SEC23B: variants seen among roughly 807,000 people sequenced by gnomAD.
SEC23B encodes the protein protein transport protein Sec23B.
Under a neutral mutation model 104.3 loss-of-function variants are expected in SEC23B, and 77 were observed. The ratio of observed to expected loss-of-function variants is 0.74; its 90% CI spans 0.61 to 0.89. The LOEUF (loss-of-function observed/expected upper bound fraction) is 0.89, where lower values mean the gene tolerates loss of function less well. Among genes scored for constraint, SEC23B ranks in the 40% least tolerant of loss-of-function variants. The probability of loss-of-function intolerance (pLI) is 0.00; values close to 1 mark genes in which losing one functional copy is unlikely to be tolerated. For missense variants in SEC23B, 885 were observed against 949.4 expected, an observed-to-expected ratio of 0.93 and a Z score of 0.89; for synonymous variants, 338 against 332.5, an observed-to-expected ratio of 1.02 and a Z score of -0.18.
At chr20:18,520,624 T>C (rs1003408692) in intron 4 of SEC23B, among the ~76,000 whole-genome samples, 8 of 152,078 alleles carry the variant, frequency 5.3e-5, no homozygotes, top group African/African-American at 1.9e-4. Flanking sequence ...TAAAGAATGT[T>C]GTCCAAGTTG....
chr20:18,511,074 A>T lies in SEC23B; in HGVS notation c.221+18A>T, dbSNP rs747045603. Reference sequence around the variant, plus strand: ...CCACTTTGGTATGGATTCTTTTGAAACTGGTAAAAATGATAAATACAATAT... The same window carrying T: ...CCACTTTGGTATGGATTCTTTTGAATCTGGTAAAAATGATAAATACAATAT... On this transcript the variant is annotated intron_variant, in intron 2 of 19. Coordinates refer to ENST00000650089, the MANE Select transcript of SEC23B (RefSeq NM_006363.6). 2 of 1,547,836 alleles carry T rather than the reference A, an allele frequency of 1.3e-6. No homozygotes were observed. The highest frequency in any genetic ancestry group is 8.9e-7 in the Non-Finnish European group (1 of 1,119,488).
rs527655804 is a variant in SEC23B, at chr20:18,524,734, T to G, written c.603+65T>G. 4 of 1,397,788 alleles carry G rather than the reference T, an allele frequency of 2.9e-6. No individual in the cohort carries two copies. The African/African-American group carries it at 4.2e-5, about 15-fold the overall frequency. 86.6% of individuals were successfully genotyped at this position (1,397,788 alleles called of 1,614,324 possible). A position where few individuals can be genotyped will look rare whatever the true frequency, so the allele number is the denominator to read the frequency against. ...TTTTTTAAAAGAGACTGGGGTCTCT[T>G]TAAAAGAGCCTGTAGCCCAGGCTGG... On this transcript the variant is annotated intron_variant, in intron 5 of 19. Transcript: ENST00000650089.
In SEC23B at chr20:18,553,927, T is replaced by C. The variant is rs538626646; in HGVS notation, c.1993-308T>C. On this transcript the variant is annotated intron_variant, in intron 17 of 19. Transcript: ENST00000650089. Reference sequence around the variant, plus strand: ...CTAGACTGAGTGATAACAGTGGAAGTGGAAAAGGAGGGAGTCCACCGCTCC... The same window carrying C: ...CTAGACTGAGTGATAACAGTGGAAGCGGAAAAGGAGGGAGTCCACCGCTCC... 9.7e-4 allele frequency among the ~76,000 whole-genome samples: 75 copies of C among 77,366 alleles called. 1 individual carries two copies. In the East Asian group the frequency reaches 0.019, roughly 20 times the overall value. 50.8% of individuals were successfully genotyped at this position (77,366 alleles called of 152,430 possible). A position where few individuals can be genotyped will look rare whatever the true frequency, so the allele number is the denominator to read the frequency against.
In SEC23B at chr20:18,524,645, G is replaced by T; in HGVS notation, c.579G>T (p.Lys193Asn). The change falls in exon 5 of 20, where the codon AAG becomes AAT. Residue 193 changes from lysine to asparagine, a missense_variant. By Grantham distance (94) the Lys-to-Asn change is moderately conservative. Transcript: ENST00000650089. Reference sequence around the variant, plus strand: ...AAAGTTATGTCTTCCGAGGGACCAAGGATTTAACTGCAAAGCAAATACAGG... The same window carrying T: ...AAAGTTATGTCTTCCGAGGGACCAATGATTTAACTGCAAAGCAAATACAGG... ...ISKSYVFRGT[K>N]DLTAKQIQDM... 6.2e-7 allele frequency: 1 copy of T among 1,613,960 alleles called. No individual in the cohort carries two copies. The highest frequency in any genetic ancestry group is 1.1e-5 in the South Asian group (1 of 91,088).
At chr20:18,543,206 TG>T in intron 14 of SEC23B, 34 bp downstream of exon 14, 6 of 1,613,856 alleles carry the variant, frequency 3.7e-6, no homozygotes, top group African/African-American at 1.3e-5. Flanking sequence ...GGTTCAGTCT[TG>T]GTTTCTGCTT....
intron 19 of SEC23B, among the ~76,000 whole-genome samples, chr20:18,559,295 C>T (rs909666683): frequency 3.3e-5 from 5 of 152,152 alleles, no homozygotes; most frequent in African/African-American, 9.7e-5. Context: ...GACCCTCCTC[C>T]AGGCCTCTGA....
At chr20:18,508,910 G>A (rs1407680496) in intron 1 of SEC23B, among the ~76,000 whole-genome samples, 1 of 151,910 alleles carries the variant, frequency 6.6e-6, no homozygotes, top group Non-Finnish European at 1.5e-5. Flanking sequence ...TAGTAGAGAC[G>A]GGGTTTTGCC....
rs2060145385 is a variant in SEC23B at position 18,527,583 on chromosome 20, G to A, written c.1081G>A (p.Glu361Lys). The A allele has an allele frequency of 1.2e-6, 2 of 1,610,274 alleles. No homozygotes were observed. Among genetic ancestry groups the A allele is most frequent in the South Asian group, 1.1e-5 (1 of 91,004 alleles). ...TGCCCTTGATCAAACTGGACTTTTG[G>A]AGATGAAGTGTTGTGCAAATCTTAC... ...ACALDQTGLL[E>K]MKCCANLTGG... Residue 361 changes from glutamate to lysine, a missense_variant, in exon 9 of 20, where the codon GAG becomes AAG. Physicochemically the swap from Glu to Lys is moderately conservative, Grantham distance 56 (BLOSUM62 1). Coordinates refer to ENST00000650089, the MANE Select transcript of SEC23B (RefSeq NM_006363.6).
intron 9 of SEC23B, among the ~76,000 whole-genome samples, chr20:18,530,376 T>C (rs1426479268): frequency 1.4e-4 from 22 of 152,116 alleles, no homozygotes. Context: ...CTCAGCCTCC[T>C]GAGTAGCTGG....
chr20:18,553,971 G>T (rs573373783), intron 17 of SEC23B, among the ~76,000 whole-genome samples: 1 of 152,190 alleles, frequency 6.6e-6, no homozygotes, highest in Admixed American at 6.5e-5. Flanking sequence ...AGTAATCCAT[G>T]GGCTTTGTTA....
Position 18,532,596 on chromosome 20 carries a change from G to T in SEC23B, c.1234-68G>T, listed in dbSNP as rs958283828. On this transcript the variant is annotated intron_variant, in intron 10 of 19. Coordinates refer to ENST00000650089, the MANE Select transcript of SEC23B (RefSeq NM_006363.6). ...TATATTTTCCCTCTAAGCTTTCATT[G>T]TGGCCATGATGACAGCAGGGTGGAT... The T allele has an allele frequency of 1.8e-6, 2 of 1,082,924 alleles. 1 individual carries two copies. The highest frequency in any genetic ancestry group is 3.1e-5 in the African/African-American group (2 of 64,882). The allele number at this position is 1,082,924 out of a possible 1,614,324, so 67.1% of individuals were successfully genotyped here.
chr20:18,531,844 A>G (rs749681065), intron 10 of SEC23B, among the ~76,000 whole-genome samples: 2 of 151,924 alleles, frequency 1.3e-5, no homozygotes, highest in Non-Finnish European at 2.9e-5. Context: ...GAGCTTTGGA[A>G]TTACAGACCA....
At chr20:18,536,604 A>G (rs963393533) in intron 12 of SEC23B, among the ~76,000 whole-genome samples, 3 of 151,916 alleles carry the variant, frequency 2.0e-5, no homozygotes, top group Non-Finnish European at 4.4e-5. Context: ...AGGCAGGAGA[A>G]TGGCGTGAAC....
intron 17 of SEC23B, among the ~76,000 whole-genome samples, chr20:18,552,859 T>C (rs1195491093): frequency 6.6e-6 from 1 of 152,130 alleles, no homozygotes; most frequent in Non-Finnish European, 1.5e-5. Context: ...TTATATAGTT[T>C]CTACATTGTA....
intron 12 of SEC23B, among the ~76,000 whole-genome samples, chr20:18,538,631 A>G (rs1307949889): frequency 1.3e-5 from 2 of 152,224 alleles, no homozygotes; most frequent in Non-Finnish European, 2.9e-5. Context: ...TCTCTGTAGC[A>G]TGCAGTGTTG....
intron 12 of SEC23B, among the ~76,000 whole-genome samples, chr20:18,536,706 A>T (rs1600256215): frequency 6.6e-6 from 1 of 151,834 alleles, no homozygotes; most frequent in East Asian, 1.9e-4. Context: ...AAAAAAAAAA[A>T]TCCACATATA....
rs769372366 is a variant in SEC23B at position 18,525,133 on chromosome 20, A to T, written c.689+113A>T. 19 of 1,014,044 alleles carry T rather than the reference A, an allele frequency of 1.9e-5. No individual in the cohort carries two copies. The East Asian group carries it at 3.9e-4, about 21-fold the overall frequency. 62.8% of individuals were successfully genotyped at this position (1,014,044 alleles called of 1,614,324 possible). On this transcript the variant is annotated intron_variant, in intron 6 of 19. Coordinates refer to ENST00000650089, the MANE Select transcript of SEC23B (RefSeq NM_006363.6). ...TATTTTCTTATTATTAGAGAAAAAG[A>T]TAAATGATTAAGCCTAATCAATATT... is the stretch of plus-strand genomic sequence containing the variant.
chr20:18,526,066 C>A, intron 7 of SEC23B, 134 bp downstream of exon 7: 1 of 1,093,426 alleles, frequency 9.1e-7, no homozygotes, highest in Non-Finnish European at 1.4e-6. Flanking sequence ...GCATTTGAGG[C>A]ATCATTATCA....
At chr20:18,512,428 G>A (rs1472030423) in intron 3 of SEC23B, 146 bp downstream of exon 3, 1 of 607,476 alleles carries the variant, frequency 1.6e-6, no homozygotes, top group Non-Finnish European at 3.0e-6. Context: ...GCACAATATT[G>A]AATTTGAACA....
Sources: gnomAD v4.1 joint callset for allele counts (sites outside exome capture counted in the v4.1 genomes callset) on GRCh38, gnomAD v4.1.1 for gene constraint, MANE v1.5 for transcripts, NCBI Gene and HGNC (gene_info 2026-07-23, HGNC 2026-07-21) for gene names.